The following UGT1A10 variants were observed in gnomAD, a reference collection of about 807,000 sequenced individuals.
UGT1A10 encodes the protein UDP-glucuronosyltransferase 1A10.
Under a neutral mutation model 45.8 loss-of-function variants are expected in UGT1A10, and 49 were observed. The ratio of observed to expected loss-of-function variants is 1.07; its 90% CI spans 0.85 to 1.36. The LOEUF (loss-of-function observed/expected upper bound fraction) is 1.36. UGT1A10 is among the 40% of genes most tolerant of loss of function. The pLI, the probability that UGT1A10 is intolerant of heterozygous loss-of-function variation, is 0.00. For synonymous variants in UGT1A10, 284 were observed against 249.7 expected (o/e 1.14, Z -1.29); for missense variants, 745 against 668.6 (o/e 1.11, Z -1.26).
At chr2:233,670,759 C>T (rs577370995) in intron 1 of UGT1A10, among the ~76,000 whole-genome samples, 2 of 152,286 alleles carry the variant, frequency 1.3e-5, no homozygotes, top group African/African-American at 4.8e-5. Flanking sequence ...TTGACACCTT[C>T]AGTGTTGAAC....
At chr2:233,727,741 T>C (rs1184923085) in intron 1 of UGT1A10, among the ~76,000 whole-genome samples, 1 of 152,232 alleles carries the variant, frequency 6.6e-6, no homozygotes, top group Non-Finnish European at 1.5e-5. Flanking sequence ...TGTGCCATCC[T>C]GCGTGTGCTG....
At chr2:233,648,978 G>A in intron 1 of UGT1A10, 1 of 1,436,774 alleles carries the variant, frequency 7.0e-7, no homozygotes, top group East Asian at 2.5e-5. Flanking sequence ...TGCCCAATAT[G>A]ATCTTCATTG....
At chr2:233,638,865 A>G (rs1190254467) in intron 1 of UGT1A10, among the ~76,000 whole-genome samples, 2 of 152,234 alleles carry the variant, frequency 1.3e-5, no homozygotes, top group East Asian at 1.9e-4. Context: ...AAAATTAGGC[A>G]TGACTTTCAG....
rs1342292441 is a variant in UGT1A10, at chr2:233,772,794, G to A, written c.*235G>A. 35 of 1,212,802 alleles carry A rather than the reference G, an allele frequency of 2.9e-5. No individual in the cohort carries two copies. Among genetic ancestry groups the A allele is most frequent in the African/African-American group, 6.1e-5 (4 of 65,186 alleles). The allele number at this position is 1,212,802 out of a possible 1,614,324, so 75.1% of individuals were successfully genotyped here. On this transcript the variant is annotated 3_prime_UTR_variant, in exon 5 of 5. Transcript: ENST00000344644. ...CTGGTGTCTTTGATCAGGATGACAT[G>A]TGCCATTTTTCAGAGGACGTGCAGA...
chr2:233,729,557 C>G lies in UGT1A10; in HGVS notation c.856-37477C>G, dbSNP rs13406898. 29 of 1,614,152 alleles carry G rather than the reference C, an allele frequency of 1.8e-5. No individual in the cohort carries two copies. The South Asian group carries it at 3.0e-4, about 16-fold the overall frequency. On this transcript the variant is annotated intron_variant, in intron 1 of 4. Transcript: ENST00000344644. ...GCCCTGATCAGGCACCTGAATGCTA[C>G]TTCCTTTGATGTGGTTTTAACAGAC...
chr2:233,761,011 G>A, intron 1 of UGT1A10: 1 of 1,614,156 alleles, frequency 6.2e-7, no homozygotes, highest in Non-Finnish European at 8.5e-7. Flanking sequence ...TCAGAGAGAG[G>A]TGACTGTCCA....
chr2:233,667,443 A>G (rs1353558153), intron 1 of UGT1A10, among the ~76,000 whole-genome samples: 2 of 152,354 alleles, frequency 1.3e-5, no homozygotes, highest in East Asian at 1.9e-4. Flanking sequence ...AAGAAAACCT[A>G]GGCATTACCA....
At chr2:233,641,675 A>G (rs1575394723) in intron 1 of UGT1A10, among the ~76,000 whole-genome samples, 2 of 152,184 alleles carry the variant, frequency 1.3e-5, no homozygotes, top group Non-Finnish European at 2.9e-5. Flanking sequence ...TCCCTGTAGC[A>G]TTTCTTGTAG....
At chr2:233,638,078 A>T (rs961705449) in intron 1 of UGT1A10, among the ~76,000 whole-genome samples, 1 of 152,152 alleles carries the variant, frequency 6.6e-6, no homozygotes, top group African/African-American at 2.4e-5. Context: ...CTTTTATCTT[A>T]GTAGACTAGA....
chr2:233,641,048 T>A (rs550443751), intron 1 of UGT1A10, among the ~76,000 whole-genome samples: 1 of 152,252 alleles, frequency 6.6e-6, no homozygotes, highest in South Asian at 2.1e-4. Flanking sequence ...ATGCAAGTTA[T>A]CTCACTGCAA....
chr2:233,762,102 G>T (rs1697968941), intron 1 of UGT1A10, among the ~76,000 whole-genome samples: 1 of 151,864 alleles, frequency 6.6e-6, no homozygotes, highest in Non-Finnish European at 1.5e-5. Flanking sequence ...GTTGTTGATT[G>T]TCCGCTTCAC....
chr2:233,654,476 C>T (rs1335466722), intron 1 of UGT1A10, among the ~76,000 whole-genome samples: 2 of 152,152 alleles, frequency 1.3e-5, no homozygotes, highest in Non-Finnish European at 2.9e-5. Context: ...AAGTAGTTTA[C>T]AGCAGAGAGT....
chr2:233,735,700 G>T (rs940691560), intron 1 of UGT1A10, among the ~76,000 whole-genome samples: 1 of 151,948 alleles, frequency 6.6e-6, no homozygotes, highest in African/African-American at 2.4e-5. Context: ...TGTAAGGCAG[G>T]CCTGGTGGTG....
At chr2:233,741,039 A>T (rs1218134872) in intron 1 of UGT1A10, among the ~76,000 whole-genome samples, 1 of 151,820 alleles carries the variant, frequency 6.6e-6, no homozygotes, top group African/African-American at 2.4e-5. Context: ...GTAAGCTATG[A>T]TCTTGCCTAG....
At chr2:233,749,234 A>T (rs1694147769) in intron 1 of UGT1A10, among the ~76,000 whole-genome samples, 1 of 151,936 alleles carries the variant, frequency 6.6e-6, no homozygotes, top group Admixed American at 6.5e-5. Flanking sequence ...CATTTTTTAA[A>T]ATCAAACCAC....
chr2:233,723,516 CTT>C lies in UGT1A10; in HGVS notation c.856-43499_856-43498del, dbSNP rs1162916866. ...TGAGCCACTGCACCTGGTCAACAATCTTTTTTTTTTTTTTTTTTTTAATTTAT... is the reference window on the plus strand; with the variant it reads ...TGAGCCACTGCACCTGGTCAACAATCTTTTTTTTTTTTTTTTTTAATTTAT... On this transcript the variant is annotated intron_variant, in intron 1 of 4. Coordinates refer to ENST00000344644, the MANE Select transcript of UGT1A10 (RefSeq NM_019075.4). Among the ~76,000 whole-genome samples, 162 of 85,388 alleles carry C rather than the reference CTT, an allele frequency of 1.9e-3. 4 individuals are homozygous for C. The highest frequency in any genetic ancestry group is 7.1e-3 in the African/African-American group (146 of 20,564). The allele number at this position is 85,388 out of a possible 152,430, so 56.0% of individuals were successfully genotyped here.
intron 1 of UGT1A10, among the ~76,000 whole-genome samples, chr2:233,668,419 T>C (rs1248654559): frequency 6.6e-6 from 1 of 152,212 alleles, no homozygotes; most frequent in Non-Finnish European, 1.5e-5. Flanking sequence ...TATTCCATGG[T>C]GTATATGTGC....
chr2:233,746,205 C>G (rs547152411), intron 1 of UGT1A10, among the ~76,000 whole-genome samples: 7 of 151,856 alleles, frequency 4.6e-5, no homozygotes, highest in Admixed American at 2.6e-4. Flanking sequence ...TATAGCTATA[C>G]TCTAATAGCA....
chr2:233,729,390 A>T (rs1190796582), intron 1 of UGT1A10: 1 of 1,613,904 alleles, frequency 6.2e-7, no homozygotes, highest in East Asian at 2.2e-5. Flanking sequence ...CCCAGGATGA[A>T]TTTGATCGCC....
Sources: allele counts gnomAD v4.1 joint callset (sites outside exome capture counted in the v4.1 genomes callset), GRCh38; gene constraint gnomAD v4.1.1; transcripts MANE v1.5; gene names NCBI Gene and HGNC (gene_info 2026-07-23, HGNC 2026-07-21).